The following MEGF11 variants were observed in gnomAD, a reference collection of about 807,000 sequenced individuals.
The protein encoded by MEGF11 is multiple EGF like domains 11.
Under a neutral mutation model 146.6 loss-of-function variants are expected in MEGF11, and 126 were observed. That is an observed-to-expected ratio of 0.86 (90% confidence interval 0.74 to 1.00). The LOEUF is 1.00. Among genes scored for constraint, MEGF11 ranks in the 50% least tolerant of loss-of-function variants. The pLI, the probability that MEGF11 is intolerant of heterozygous loss-of-function variation, is 0.00. For synonymous variants in MEGF11, 532 were observed against 583.4 expected (o/e 0.91, Z 1.27); for missense variants, 1,509 against 1,521.2 (o/e 0.99, Z 0.13).
intron 5 of MEGF11, among the ~76,000 whole-genome samples, chr15:66,071,636 G>A (rs996483968): frequency 2.6e-5 from 4 of 152,152 alleles, no homozygotes; most frequent in Non-Finnish European, 5.9e-5. Context: ...TCCAGGGCTC[G>A]GGTTCCCAGT....
At chr15:65,915,666 C>T in intron 18 of MEGF11, 68 bp from the exon 19 acceptor site, 1 of 1,569,840 alleles carries the variant, frequency 6.4e-7, no homozygotes, top group South Asian at 1.2e-5. Context: ...CATGTTTAGA[C>T]AGCTATGGCA....
intron 9 of MEGF11, among the ~76,000 whole-genome samples, chr15:65,958,583 TACTAAGGTGGGC>T (rs994396072): frequency 2.0e-5 from 3 of 152,212 alleles, no homozygotes; most frequent in African/African-American, 7.2e-5. Flanking sequence ...ACAGCAGGGA[TACTAAGGTGGGC>T]ACACTCTTGG....
intron 5 of MEGF11, among the ~76,000 whole-genome samples, chr15:65,986,730 A>C (rs960664485): frequency 8.0e-5 from 12 of 150,708 alleles, no homozygotes; most frequent in Non-Finnish European, 1.8e-4. Context: ...CACCCCTCAC[A>C]CATTTCTTTT....
At chr15:66,003,636 AC>A (rs1310327902) in intron 5 of MEGF11, among the ~76,000 whole-genome samples, 2 of 151,764 alleles carry the variant, frequency 1.3e-5, no homozygotes, top group African/African-American at 2.4e-5. Context: ...ACCTCTGCCC[AC>A]CCCAGAATGG....
At chr15:65,985,953 ATTTT>A (rs60520972) in intron 5 of MEGF11, among the ~76,000 whole-genome samples, 1 of 140,328 alleles carries the variant, frequency 7.1e-6, no homozygotes, top group African/African-American at 2.6e-5. Context: ...TTGTGTCTGC[ATTTT>A]TTTTTTTTTT....
intron 5 of MEGF11, among the ~76,000 whole-genome samples, chr15:66,076,013 C>G (rs1426825757): frequency 3.9e-5 from 6 of 152,126 alleles, no homozygotes; most frequent in Admixed American, 2.0e-4. Flanking sequence ...AGCACAGTGT[C>G]TGGCACATGG....
chr15:66,067,168 C>T (rs562812666), intron 5 of MEGF11, among the ~76,000 whole-genome samples: 1 of 152,324 alleles, frequency 6.6e-6, no homozygotes, highest in South Asian at 2.1e-4. Context: ...CTATTACTTA[C>T]ACAATGAACT....
intron 13 of MEGF11, among the ~76,000 whole-genome samples, chr15:65,925,795 A>C (rs959657804): frequency 6.6e-6 from 1 of 152,204 alleles, no homozygotes; most frequent in Admixed American, 6.5e-5. Flanking sequence ...GTAGCCACTC[A>C]GCAGCCCATA....
chr15:66,132,348 T>C (rs1024665247), intron 1 of MEGF11, among the ~76,000 whole-genome samples: 1 of 152,232 alleles, frequency 6.6e-6, no homozygotes, highest in Non-Finnish European at 1.5e-5. Context: ...GTTACAGCCT[T>C]AAGATCCATC....
At chr15:66,100,416 T>C (rs1255547104) in intron 4 of MEGF11, among the ~76,000 whole-genome samples, 2 of 152,154 alleles carry the variant, frequency 1.3e-5, no homozygotes, top group African/African-American at 4.8e-5. Context: ...CGCACTTCAA[T>C]TCCCACAGGC....
chr15:66,040,369 A>C (rs2083918573), intron 5 of MEGF11: 1 of 154,602 alleles, frequency 6.5e-6, no homozygotes, highest in Admixed American at 6.5e-5. Context: ...AAAGTGAGGC[A>C]CTTCGGACTG....
At chr15:66,190,626 C>G (rs926966832) in intron 1 of MEGF11, among the ~76,000 whole-genome samples, 1 of 152,104 alleles carries the variant, frequency 6.6e-6, no homozygotes, top group Non-Finnish European at 1.5e-5. Flanking sequence ...AAATGCCTGA[C>G]CTGTCTGAGA....
At chr15:66,244,239 G>C (rs1419146713) in intron 1 of MEGF11, among the ~76,000 whole-genome samples, 1 of 152,096 alleles carries the variant, frequency 6.6e-6, no homozygotes, top group Non-Finnish European at 1.5e-5. Flanking sequence ...CCCAAAGAAG[G>C]CTCTATGTCC....
In MEGF11 at chr15:66,119,079, T is replaced by C; in HGVS notation, c.301+7A>G. Reference sequence around the variant, plus strand: ...CTGAGGGCAGAACAGCAGCAGCCCCTACATACGTATGCAGAAGTCTCCGCT... The same window carrying C: ...CTGAGGGCAGAACAGCAGCAGCCCCCACATACGTATGCAGAAGTCTCCGCT... On this transcript the variant is annotated splice_region_variant and intron_variant, in intron 4 of 25. Transcript: ENST00000395614. 3 of 1,464,526 alleles carry C rather than the reference T, an allele frequency of 2.0e-6. No homozygotes were observed. The highest frequency in any genetic ancestry group is 1.2e-5 in the South Asian group (1 of 82,870). 90.7% of individuals were successfully genotyped at this position (1,464,526 alleles called of 1,614,324 possible). A position where few individuals can be genotyped will look rare whatever the true frequency, so the allele number is the denominator to read the frequency against.
intron 1 of MEGF11, among the ~76,000 whole-genome samples, chr15:66,234,235 T>C (rs1248720420): frequency 6.6e-6 from 1 of 152,206 alleles, no homozygotes; most frequent in Admixed American, 6.5e-5. Context: ...CTGGAACTAC[T>C]GCAGCCATGT....
chr15:66,184,393 C>T (rs2090636803), intron 1 of MEGF11, among the ~76,000 whole-genome samples: 1 of 151,946 alleles, frequency 6.6e-6, no homozygotes. Flanking sequence ...TTCCACAGCT[C>T]CCACCATCTC....
At chr15:66,079,052 G>A (rs945627166) in intron 5 of MEGF11, among the ~76,000 whole-genome samples, 1 of 152,188 alleles carries the variant, frequency 6.6e-6, no homozygotes, top group Non-Finnish European at 1.5e-5. Context: ...CTCCTGCTCA[G>A]ATGTGACTGG....
At chr15:66,039,240 G>A (rs1166895791) in intron 5 of MEGF11, among the ~76,000 whole-genome samples, 2 of 152,172 alleles carry the variant, frequency 1.3e-5, no homozygotes, top group Non-Finnish European at 2.9e-5. Context: ...CCACAGCGAA[G>A]AGGTCAGCAA....
chr15:66,153,021 C>CA (rs1415793022), intron 1 of MEGF11, among the ~76,000 whole-genome samples: 1 of 152,230 alleles, frequency 6.6e-6, no homozygotes, highest in African/African-American at 2.4e-5. Flanking sequence ...GACCCTGCTC[C>CA]AACACCTCCA....
Sources: gnomAD v4.1 joint callset for allele counts (sites outside exome capture counted in the v4.1 genomes callset) on GRCh38, gnomAD v4.1.1 for gene constraint, MANE v1.5 for transcripts, NCBI Gene and HGNC (gene_info 2026-07-23, HGNC 2026-07-21) for gene names.